BTRC: variants seen among roughly 807,000 people sequenced by gnomAD.
BTRC encodes the protein F-box/WD repeat-containing protein 1A.
A neutral mutation model predicts 85.5 loss-of-function variants in BTRC; 42 were observed. The ratio of observed to expected loss-of-function variants is 0.49; its 90% confidence interval spans 0.38 to 0.64. BTRC has a LOEUF of 0.64. Ranked by LOEUF, BTRC falls within the 30% of genes least tolerant of loss-of-function variation. The probability of loss-of-function intolerance (pLI) is 0.00; values close to 1 mark genes in which losing one functional copy is unlikely to be tolerated. For synonymous variants in BTRC, 255 were observed against 263.3 expected (o/e 0.97, Z 0.30); for missense variants, 594 against 743.5 (o/e 0.80, Z 2.34).
intron 1 of BTRC, among the ~76,000 whole-genome samples, chr10:101,390,765 A>AAAAG (rs370701476): frequency 7.3e-4 from 84 of 115,160 alleles, no homozygotes; most frequent in African/African-American, 1.4e-3. Context: ...TTTGTCTTAA[A>AAAAG]AAAGAAAGAA....
chr10:101,464,792 C>T (rs1441193722), intron 3 of BTRC, among the ~76,000 whole-genome samples: 1 of 152,142 alleles, frequency 6.6e-6, no homozygotes, highest in African/African-American at 2.4e-5. Flanking sequence ...TTAGCAGCCC[C>T]ATGAATGCAG....
At chr10:101,488,406 G>GGT (rs1338962511) in intron 4 of BTRC, among the ~76,000 whole-genome samples, 5 of 152,112 alleles carry the variant, frequency 3.3e-5, no homozygotes, top group African/African-American at 1.2e-4. Flanking sequence ...AATCAAGTAA[G>GGT]GTGTTTATAG....
chr10:101,385,618 C>CTTTTTTTTTTTTTTTTTTTT (rs36030307), intron 1 of BTRC, among the ~76,000 whole-genome samples: 3 of 79,808 alleles, frequency 3.8e-5, no homozygotes, highest in East Asian at 3.2e-4. Context: ...TCTTCTTCTT[C>CTTTTTTTTTTTTTTTTTTTT]TTTTTTTTTT....
At chr10:101,405,809 A>G (rs981285579) in intron 1 of BTRC, among the ~76,000 whole-genome samples, 5 of 152,210 alleles carry the variant, frequency 3.3e-5, no homozygotes, top group African/African-American at 1.2e-4. Flanking sequence ...GCTAGTCAAC[A>G]ACATACACTG....
intron 1 of BTRC, among the ~76,000 whole-genome samples, chr10:101,429,794 A>G (rs967022968): frequency 4.6e-5 from 7 of 151,338 alleles, no homozygotes; most frequent in Non-Finnish European, 7.4e-5. Flanking sequence ...CAAGATACAT[A>G]AAACATACGC....
chr10:101,525,690 G>T (rs1207096884), intron 5 of BTRC, among the ~76,000 whole-genome samples: 1 of 152,124 alleles, frequency 6.6e-6, no homozygotes, highest in East Asian at 1.9e-4. Context: ...ACATCCCCTA[G>T]TGCTGAAATC....
chr10:101,415,926 T>C (rs892158584), intron 1 of BTRC, among the ~76,000 whole-genome samples: 6 of 152,204 alleles, frequency 3.9e-5, no homozygotes, highest in African/African-American at 1.4e-4. Flanking sequence ...TTGCCTACAG[T>C]ATTCGGTACA....
intron 1 of BTRC, among the ~76,000 whole-genome samples, chr10:101,359,192 A>T (rs925467661): frequency 3.3e-5 from 5 of 152,216 alleles, no homozygotes; most frequent in Non-Finnish European, 5.9e-5. Context: ...TAAACAGATT[A>T]CATTTTAAAA....
At chr10:101,540,488 T>A (rs2062450384) in intron 13 of BTRC, among the ~76,000 whole-genome samples, 2 of 152,220 alleles carry the variant, frequency 1.3e-5, no homozygotes, top group South Asian at 4.1e-4. Context: ...CTGTCTTGAT[T>A]CCAGTATAAT....
At chr10:101,437,744 T>C (rs933748005) in intron 2 of BTRC, among the ~76,000 whole-genome samples, 1 of 152,168 alleles carries the variant, frequency 6.6e-6, no homozygotes, top group South Asian at 2.1e-4. Flanking sequence ...ACCACCTCCC[T>C]CTCATGTAAT....
intron 4 of BTRC, among the ~76,000 whole-genome samples, chr10:101,518,974 T>G (rs1031228641): frequency 2.0e-5 from 3 of 151,870 alleles, no homozygotes; most frequent in Admixed American, 6.6e-5. Context: ...ACATAGTGGC[T>G]GGGTTCTCTG....
At chr10:101,441,539 T>C (rs1288893064) in intron 2 of BTRC, among the ~76,000 whole-genome samples, 1 of 152,190 alleles carries the variant, frequency 6.6e-6, no homozygotes, top group Non-Finnish European at 1.5e-5. Flanking sequence ...TATTGGTGAA[T>C]CAAACTTCTT....
rs1215260938 is a variant in BTRC, at chr10:101,360,437, G to A, written c.48+6209G>A. ...CACCCAGGCTGGAGTGCAATGGCACGATCTCAACTCACTGCAACCTCCGCT... is the reference window on the plus strand; with the variant it reads ...CACCCAGGCTGGAGTGCAATGGCACAATCTCAACTCACTGCAACCTCCGCT... On this transcript the variant is annotated intron_variant, in intron 1 of 14. Coordinates refer to ENST00000370187, the MANE Select transcript of BTRC (RefSeq NM_033637.4). Among the ~76,000 whole-genome samples the A allele has an allele frequency of 5.5e-5, 8 of 144,350 alleles. No individual in the cohort carries two copies. In the South Asian group the frequency reaches 1.3e-3, roughly 24 times the overall value. The allele number at this position is 144,350 out of a possible 152,430, so 94.7% of individuals were successfully genotyped here.
intron 1 of BTRC, among the ~76,000 whole-genome samples, chr10:101,395,632 G>A (rs1943344563): frequency 6.6e-6 from 1 of 152,070 alleles, no homozygotes; most frequent in African/African-American, 2.4e-5. Flanking sequence ...AACTTAAAAT[G>A]ATCATGCTAT....
chr10:101,394,151 G>A (rs1360500276), intron 1 of BTRC, among the ~76,000 whole-genome samples: 1 of 151,920 alleles, frequency 6.6e-6, no homozygotes, highest in Non-Finnish European at 1.5e-5. Context: ...TATGACTAAG[G>A]GCATGTTGAA....
At position 101,466,175 on chromosome 10, in the gene BTRC, C is replaced by T. The variant is rs774530525; in HGVS notation, c.234+4117C>T. Among the ~76,000 whole-genome samples, 17 of 152,224 alleles carry T rather than the reference C, an allele frequency of 1.1e-4. No individual in the cohort carries two copies. The East Asian group carries it at 2.1e-3, about 19-fold the overall frequency. On this transcript the variant is annotated intron_variant, in intron 3 of 14. Coordinates refer to ENST00000370187, the MANE Select transcript of BTRC (RefSeq NM_033637.4). The stretch of plus-strand genomic sequence containing the variant: ...TCTCTGTAATTGAGTAAATTGTGAC[C>T]GTTGTCTAATCCCTCTCCCATCCCC...
chr10:101,368,417 A>G, intron 1 of BTRC, among the ~76,000 whole-genome samples: 1 of 149,938 alleles, frequency 6.7e-6, no homozygotes, highest in East Asian at 2.0e-4. Flanking sequence ...CATTATAGCA[A>G]CGTAAATGGA....
chr10:101,540,843 T>C (rs1210612998), intron 13 of BTRC, among the ~76,000 whole-genome samples: 2 of 152,200 alleles, frequency 1.3e-5, no homozygotes, highest in African/African-American at 2.4e-5. Flanking sequence ...TTGGAGAATA[T>C]TGACTTCTGA....
chr10:101,482,226 G>A (rs1009977611), intron 4 of BTRC, among the ~76,000 whole-genome samples: 4 of 151,950 alleles, frequency 2.6e-5, no homozygotes, highest in Non-Finnish European at 4.4e-5. Context: ...TCGCCATGTT[G>A]GCCAGGCTGG....
Sources: gnomAD v4.1 joint callset for allele counts (sites outside exome capture counted in the v4.1 genomes callset) on GRCh38, gnomAD v4.1.1 for gene constraint, MANE v1.5 for transcripts, NCBI Gene and HGNC (gene_info 2026-07-23, HGNC 2026-07-21) for gene names.